The following L3MBTL4 variants were observed in gnomAD, a reference collection of about 807,000 sequenced individuals.
L3MBTL4 encodes lethal(3)malignant brain tumor-like protein 4.
A neutral mutation model predicts 84.5 loss-of-function variants in L3MBTL4; 70 were observed. That is an observed-to-expected ratio of 0.83 (90% confidence interval 0.68 to 1.01). The LOEUF (loss-of-function observed/expected upper bound fraction) is 1.01, where lower values mean the gene tolerates loss of function less well. L3MBTL4 is among the 50% of genes least tolerant of loss of function. The pLI is 0.00. For missense variants in L3MBTL4, 715 were observed against 754.8 expected (o/e 0.95, Z 0.62); for synonymous variants, 274 against 259.8 (o/e 1.05, Z -0.52).
chr18:6,041,591 G>T (rs185213037), intron 16 of L3MBTL4, among the ~76,000 whole-genome samples: 4 of 151,830 alleles, frequency 2.6e-5, no homozygotes, highest in African/African-American at 4.8e-5. Context: ...TGCGTGCATA[G>T]GCTGTCATGA....
At chr18:6,108,761 C>G (rs758051898) in intron 14 of L3MBTL4, among the ~76,000 whole-genome samples, 19 of 152,072 alleles carry the variant, frequency 1.2e-4, no homozygotes, top group Non-Finnish European at 2.5e-4. Context: ...CAGATTCAAC[C>G]AACCACAGAT....
chr18:6,378,269 G>C (rs1375354910), intron 1 of L3MBTL4, among the ~76,000 whole-genome samples: 1 of 152,142 alleles, frequency 6.6e-6, no homozygotes, highest in Non-Finnish European at 1.5e-5. Flanking sequence ...TCTGTAGGTT[G>C]CCTGTTCATT....
At chr18:6,196,099 A>G (rs1225846483) in intron 12 of L3MBTL4, among the ~76,000 whole-genome samples, 1 of 150,974 alleles carries the variant, frequency 6.6e-6, no homozygotes, top group African/African-American at 2.5e-5. Context: ...AGCTCCACTG[A>G]TATCTGCTTC....
intron 1 of L3MBTL4, among the ~76,000 whole-genome samples, chr18:6,324,237 C>T (rs1388902401): frequency 6.6e-6 from 1 of 152,204 alleles, no homozygotes; most frequent in Non-Finnish European, 1.5e-5. Flanking sequence ...GTGGTGGAGT[C>T]CTCACAGAAA....
intron 4 of L3MBTL4, among the ~76,000 whole-genome samples, chr18:6,298,480 G>T (rs1199852178): frequency 6.6e-6 from 1 of 151,912 alleles, no homozygotes; most frequent in Non-Finnish European, 1.5e-5. Context: ...TTTTAATCTT[G>T]TTTATTATGA....
chr18:6,387,950 G>GT (rs2054892334), intron 1 of L3MBTL4, among the ~76,000 whole-genome samples: 1 of 152,126 alleles, frequency 6.6e-6, no homozygotes, highest in African/African-American at 2.4e-5. Context: ...AAGTCACAGA[G>GT]GTATAGACAC....
intron 16 of L3MBTL4, among the ~76,000 whole-genome samples, chr18:6,064,277 G>T (rs957473620): frequency 6.6e-6 from 1 of 152,046 alleles, no homozygotes; most frequent in Non-Finnish European, 1.5e-5. Context: ...AGTATAATTT[G>T]AAGTTGGGTA....
intron 10 of L3MBTL4, among the ~76,000 whole-genome samples, chr18:6,227,749 C>T (rs2046836597): frequency 6.6e-6 from 1 of 152,134 alleles, no homozygotes; most frequent in Non-Finnish European, 1.5e-5. Flanking sequence ...ATAACTCACT[C>T]CAGCCTAGAA....
chr18:6,010,273 G>A (rs2054674672), intron 16 of L3MBTL4, among the ~76,000 whole-genome samples: 1 of 152,136 alleles, frequency 6.6e-6, no homozygotes, highest in African/African-American at 2.4e-5. Flanking sequence ...TCACCAAGTT[G>A]GAGTTTAGAG....
In L3MBTL4 at chr18:6,332,678, A is replaced by G. The variant is rs558037227; in HGVS notation, c.-90-20622T>C. ...AGTAAAAGAAAGGTCCATTCAGACC[A>G]AAGACAATGCAGAGGAAGGTGGAAC... is the stretch of plus-strand genomic sequence containing the variant. On this transcript the variant is annotated intron_variant, in intron 1 of 18. Coordinates refer to ENST00000317931, the MANE Select transcript of L3MBTL4 (RefSeq NM_001330559.2). Among the ~76,000 whole-genome samples the G allele has an allele frequency of 2.4e-4, 36 of 152,358 alleles. 1 individual carries two copies. The South Asian group carries it at 7.5e-3, about 32-fold the overall frequency.
At chr18:6,217,831 C>G (rs2046388427) in intron 10 of L3MBTL4, among the ~76,000 whole-genome samples, 1 of 152,122 alleles carries the variant, frequency 6.6e-6, no homozygotes, top group African/African-American at 2.4e-5. Flanking sequence ...TATTGCCACC[C>G]TATTATTTTC....
chr18:6,237,721 G>T (rs1350957762), intron 10 of L3MBTL4, among the ~76,000 whole-genome samples: 1 of 152,004 alleles, frequency 6.6e-6, no homozygotes, highest in Non-Finnish European at 1.5e-5. Flanking sequence ...CTCCCAAAGT[G>T]CTAGGATTAC....
chr18:6,078,437 AAC>A (rs58060058), intron 16 of L3MBTL4, among the ~76,000 whole-genome samples: 36,527 of 116,272 alleles, frequency 0.31, 6,682 homozygotes, highest in East Asian at 0.43. Context: ...AAAAAAAAAA[AAC>A]AAAAAAAAAA....
intron 13 of L3MBTL4, among the ~76,000 whole-genome samples, chr18:6,149,881 TTCTC>T (rs1330671084): frequency 6.6e-6 from 1 of 152,048 alleles, no homozygotes; most frequent in Non-Finnish European, 1.5e-5. Context: ...CATTCACTCA[TTCTC>T]TCTCTCTCCC....
chr18:6,223,522 CAA>C (rs2046649994), intron 10 of L3MBTL4, among the ~76,000 whole-genome samples: 2 of 151,836 alleles, frequency 1.3e-5, no homozygotes, highest in Non-Finnish European at 1.5e-5. Context: ...ACAGCACAAA[CAA>C]TGACAAAAAA....
chr18:6,102,480 G>A (rs1297982513), intron 14 of L3MBTL4, among the ~76,000 whole-genome samples: 3 of 152,158 alleles, frequency 2.0e-5, no homozygotes, highest in African/African-American at 7.2e-5. Context: ...CTTCTAGAAA[G>A]ATTAATCAAG....
intron 1 of L3MBTL4, among the ~76,000 whole-genome samples, chr18:6,342,235 AC>A: frequency 6.6e-6 from 1 of 152,220 alleles, no homozygotes; most frequent in East Asian, 1.9e-4. Flanking sequence ...AATTCAGAAT[AC>A]TTTAATACTA....
intron 16 of L3MBTL4, among the ~76,000 whole-genome samples, chr18:5,981,974 C>CTGTCTGTG (rs1555622567): frequency 2.9e-5 from 4 of 137,328 alleles, no homozygotes; most frequent in African/African-American, 1.1e-4. Context: ...TTTCAATATT[C>CTGTCTGTG]TGTGTGTGTG....
At chr18:6,190,179 T>G (rs2045003804) in intron 12 of L3MBTL4, among the ~76,000 whole-genome samples, 1 of 152,218 alleles carries the variant, frequency 6.6e-6, no homozygotes, top group African/African-American at 2.4e-5. Flanking sequence ...ACATACTGTA[T>G]GACCGCATTC....
Sources: allele counts gnomAD v4.1 joint callset (sites outside exome capture counted in the v4.1 genomes callset), GRCh38; gene constraint gnomAD v4.1.1; transcripts MANE v1.5; gene names NCBI Gene and HGNC (gene_info 2026-07-23, HGNC 2026-07-21).